Variants in CDH19 observed in about 807,000 individuals in gnomAD.
CDH19 encodes cadherin 19.
A neutral mutation model predicts 64.2 loss-of-function variants in CDH19; 67 were observed. The ratio of observed to expected loss-of-function variants is 1.04; its 90% CI spans 0.86 to 1.28. CDH19 has a LOEUF of 1.28. Among genes scored for constraint, CDH19 ranks in the 50% most tolerant of loss-of-function variants. CDH19 has a pLI of 0.00. For missense variants in CDH19, 1,030 were observed against 929.0 expected (o/e 1.11, Z -1.41); for synonymous variants, 346 against 319.3 (o/e 1.08, Z -0.89).
rs375023727 is a variant in CDH19 at position 66,545,982 on chromosome 18, A to C, written c.776-1079T>G. ...TTATTTTTCAGGAGTAACTTGTGTA[A>C]AACTGATATAGAACTATACTATTTT... On this transcript the variant is annotated intron_variant, in intron 5 of 11. Coordinates refer to ENST00000262150, the MANE Select transcript of CDH19 (RefSeq NM_021153.4). Among the ~76,000 whole-genome samples, 10 of 152,204 alleles carry C rather than the reference A, an allele frequency of 6.6e-5. No individual in the cohort carries two copies. In the East Asian group the frequency reaches 1.2e-3, roughly 18 times the overall value.
At chr18:66,599,785 T>C (rs1194458225) in intron 1 of CDH19, among the ~76,000 whole-genome samples, 3 of 152,056 alleles carry the variant, frequency 2.0e-5, no homozygotes, top group African/African-American at 7.2e-5. Flanking sequence ...AAATTTCTAC[T>C]TTTTAATTCC....
chr18:66,568,542 T>C lies in CDH19; in HGVS notation c.364A>G (p.Ile122Val). ...LYILRAQVIDIATGRAVEPES... is the reference protein window; with the variant it reads ...LYILRAQVIDVATGRAVEPES... ...GGTTCCACAGCCCTTCCAGTAGCGATGTCTATTACCTGGGCTCTTAAGATG... is the reference window on the plus strand; with the variant it reads ...GGTTCCACAGCCCTTCCAGTAGCGACGTCTATTACCTGGGCTCTTAAGATG... The change falls in exon 3 of 12, where the codon ATC (isoleucine) becomes GTC (valine). Residue 122 changes from isoleucine to valine, a missense_variant. Transcript: ENST00000262150. 1.9e-6 allele frequency: 3 copies of C among 1,612,400 alleles called. No homozygotes were observed. Among genetic ancestry groups the C allele is most frequent in the South Asian group, 1.1e-5 (1 of 91,056 alleles).
chr18:66,598,999 T>C lies in CDH19; in HGVS notation c.-113+4955A>G, dbSNP rs535105752. 6.1e-4 allele frequency among the ~76,000 whole-genome samples: 93 copies of C among 152,268 alleles called. 1 individual carries two copies. The highest frequency in any genetic ancestry group is 1.1e-3 in the Non-Finnish European group (73 of 68,006). On this transcript the variant is annotated intron_variant, in intron 1 of 11. Transcript: ENST00000262150. Reference sequence around the variant, plus strand: ...GATAAGAATTATTTTAGTTTCAAATTGTATAATATAAAATTGAATGTTTAG... The same window carrying C: ...GATAAGAATTATTTTAGTTTCAAATCGTATAATATAAAATTGAATGTTTAG...
chr18:66,552,042 A>C (rs1002774758), intron 4 of CDH19, among the ~76,000 whole-genome samples: 13 of 151,960 alleles, frequency 8.6e-5, no homozygotes, highest in African/African-American at 2.7e-4. Context: ...AACAATAGAC[A>C]CTCAGGACTA....
At chr18:66,575,356 T>C (rs1164415082) in intron 1 of CDH19, among the ~76,000 whole-genome samples, 2 of 151,838 alleles carry the variant, frequency 1.3e-5, no homozygotes, top group African/African-American at 4.8e-5. Context: ...GAAAGACCTC[T>C]GCCCAAGGCC....
chr18:66,556,772 C>G (rs553971462), intron 3 of CDH19, among the ~76,000 whole-genome samples: 2 of 151,860 alleles, frequency 1.3e-5, no homozygotes, highest in Admixed American at 6.6e-5. Context: ...ATTTCTCCAA[C>G]GAAGACACAC....
intron 1 of CDH19, among the ~76,000 whole-genome samples, chr18:66,597,542 G>A (rs913174547): frequency 6.6e-6 from 1 of 152,024 alleles, no homozygotes; most frequent in Non-Finnish European, 1.5e-5. Context: ...ATAGGCCCTG[G>A]CAAAGATTCC....
At chr18:66,540,527 T>C (rs937736363) in intron 7 of CDH19, among the ~76,000 whole-genome samples, 3 of 152,124 alleles carry the variant, frequency 2.0e-5, no homozygotes, top group Non-Finnish European at 4.4e-5. Flanking sequence ...AGGCTGGAAG[T>C]ATGAGATTAT....
At chr18:66,521,172 GTGGTTTCTGGATC>G (rs1388683465) in intron 9 of CDH19, among the ~76,000 whole-genome samples, 1 of 152,082 alleles carries the variant, frequency 6.6e-6, no homozygotes, top group Admixed American at 6.6e-5. Context: ...TAAATAGAAT[GTGGTTTCTGGATC>G]TGATAAATTT....
Position 66,502,013 on chromosome 18 carries a change from T to A in CDH19, c.*2799A>T, listed in dbSNP as rs1470314722. 3 of 152,112 alleles carry A rather than the reference T, an allele frequency of 2.0e-5. No homozygotes were observed. 9.4% of individuals were successfully genotyped at this position (152,112 alleles called of 1,614,324 possible). On this transcript the variant is annotated 3_prime_UTR_variant, in exon 12 of 12. Transcript: ENST00000262150. ...GATATTTAAGTACTGTGGGTATTAA[T>A]GTGAAGCTGTGCTATTTTCATAAAT...
chr18:66,511,709 T>A, intron 9 of CDH19, 24 bp from the exon 10 acceptor site: 1 of 1,054,820 alleles, frequency 9.5e-7, no homozygotes, highest in Admixed American at 1.8e-5. Flanking sequence ...GGGATAGATT[T>A]TTGTTGTTGT....
intron 9 of CDH19, among the ~76,000 whole-genome samples, chr18:66,524,964 G>A (rs1243902364): frequency 6.6e-6 from 1 of 152,032 alleles, no homozygotes; most frequent in African/African-American, 2.4e-5. Context: ...GTGCCACCAA[G>A]TTCCCTGCTT....
At position 66,521,709 on chromosome 18, in the gene CDH19, A is replaced by C. The variant is rs966512696; in HGVS notation, c.1458+8136T>G. Among the ~76,000 whole-genome samples the C allele has an allele frequency of 2.6e-5, 4 of 151,552 alleles. No homozygotes were observed. In the South Asian group the frequency reaches 8.3e-4, roughly 32 times the overall value. Reference sequence around the variant, plus strand: ...AATCACCATGCCCAGCTAATTAAAAAAAAAAAATGTAGAGACGGAATTTCA... The same window carrying C: ...AATCACCATGCCCAGCTAATTAAAACAAAAAAATGTAGAGACGGAATTTCA... On this transcript the variant is annotated intron_variant, in intron 9 of 11. Coordinates refer to ENST00000262150, the MANE Select transcript of CDH19 (RefSeq NM_021153.4).
rs542623409 is a variant in CDH19, at chr18:66,566,340, AAAT to A, written c.490+2073_490+2075del. Among the ~76,000 whole-genome samples, 449 of 148,270 alleles carry A rather than the reference AAAT, an allele frequency of 3.0e-3. 4 individuals carry two copies. The highest frequency in any genetic ancestry group is 5.0e-3 in the Non-Finnish European group (336 of 67,442). On this transcript the variant is annotated intron_variant, in intron 3 of 11. Coordinates refer to ENST00000262150, the MANE Select transcript of CDH19 (RefSeq NM_021153.4). The stretch of plus-strand genomic sequence containing the variant: ...AAGTTATGTCCTTTTACTTTGCTTC[AAAT>A]AATATTATTCTCTGGAATCATTCCC...
intron 5 of CDH19, among the ~76,000 whole-genome samples, chr18:66,548,845 G>T (rs1000763443): frequency 6.6e-6 from 1 of 152,190 alleles, no homozygotes; most frequent in Non-Finnish European, 1.5e-5. Context: ...AGGCAAGAAA[G>T]TGTTTTTGTT....
At chr18:66,578,178 T>C (rs1220377787) in intron 1 of CDH19, among the ~76,000 whole-genome samples, 2 of 151,944 alleles carry the variant, frequency 1.3e-5, no homozygotes, top group African/African-American at 4.8e-5. Context: ...TTATGTGGTC[T>C]ACCTCAGATG....
At chr18:66,548,340 C>T (rs1987214504) in intron 5 of CDH19, among the ~76,000 whole-genome samples, 3 of 147,072 alleles carry the variant, frequency 2.0e-5, no homozygotes, top group Admixed American at 6.9e-5. Flanking sequence ...GAAGTTCAGT[C>T]TGGAGATGTA....
chr18:66,514,389 G>GTTT (rs1201099073), intron 9 of CDH19, among the ~76,000 whole-genome samples: 1 of 151,380 alleles, frequency 6.6e-6, no homozygotes, highest in Non-Finnish European at 1.5e-5. Flanking sequence ...AAAAATAATG[G>GTTT]TTAAAAATAG....
In CDH19 at chr18:66,509,019, G is replaced by C. The variant is rs150398178; in HGVS notation, c.1804C>G (p.Leu602Val). ...GFKTEVIIAI[L>V]ICIMIIFGFI... ...CCAAATATGATCATAATGCAAATGA[G>C]AATAGCAATGATGACTTCTGTCTTG... is the stretch of plus-strand genomic sequence containing the variant. Residue 602 changes from leucine to valine, a missense_variant, in exon 11 of 12, where the codon CTC (leucine) becomes GTC (valine). Leu to Val is a conservative substitution (Grantham distance 32). Coordinates refer to ENST00000262150, the MANE Select transcript of CDH19 (RefSeq NM_021153.4). 4.4e-5 allele frequency: 71 copies of C among 1,611,182 alleles called. 1 individual carries two copies. The highest frequency in any genetic ancestry group is 2.5e-5 in the Non-Finnish European group (30 of 1,178,020).
Sources: gnomAD v4.1 joint callset for allele counts (sites outside exome capture counted in the v4.1 genomes callset) on GRCh38, gnomAD v4.1.1 for gene constraint, MANE v1.5 for transcripts, NCBI Gene and HGNC (gene_info 2026-07-23, HGNC 2026-07-21) for gene names.